Variants in CAMTA1 observed in about 807,000 individuals in gnomAD.
The protein encoded by CAMTA1 is calmodulin binding transcription activator 1.
In CAMTA1, 27 loss-of-function variants were observed where a neutral mutation model predicts 170.9. The observed-to-expected ratio is 0.16, with a 90% confidence interval of 0.12 to 0.22. The LOEUF is 0.22. CAMTA1 is among the 10% of genes least tolerant of loss of function. The pLI is 1.00. For missense variants in CAMTA1, 1,619 were observed against 2,217.2 expected (o/e 0.73, Z 5.42); for synonymous variants, 833 against 891.5 (o/e 0.93, Z 1.17).
chr1:7,283,835 G>A (rs989900361), intron 5 of CAMTA1, among the ~76,000 whole-genome samples: 22 of 152,090 alleles, frequency 1.4e-4, no homozygotes, highest in African/African-American at 5.3e-4. Flanking sequence ...CTTTCTACAT[G>A]GACTGCTTGC....
At chr1:7,149,400 C>T (rs1293257908) in intron 4 of CAMTA1, among the ~76,000 whole-genome samples, 1 of 152,210 alleles carries the variant, frequency 6.6e-6, no homozygotes, top group East Asian at 1.9e-4. Flanking sequence ...CATTTTCTGC[C>T]CCTCTGCTGC....
chr1:7,185,808 A>G (rs1487629484), intron 4 of CAMTA1, among the ~76,000 whole-genome samples: 11 of 152,210 alleles, frequency 7.2e-5, no homozygotes, highest in African/African-American at 2.7e-4. Flanking sequence ...ATGTCTACAA[A>G]ATAATTGGCC....
chr1:7,331,850 G>A (rs547998405), intron 5 of CAMTA1, among the ~76,000 whole-genome samples: 5 of 152,240 alleles, frequency 3.3e-5, no homozygotes, highest in East Asian at 1.9e-4. Flanking sequence ...CATGTCCCTC[G>A]TCCTTCTTAT....
intron 11 of CAMTA1, among the ~76,000 whole-genome samples, chr1:7,728,817 C>G (rs529861399): frequency 6.6e-6 from 1 of 152,322 alleles, no homozygotes; most frequent in Middle Eastern, 3.4e-3. Context: ...GGCATGGCAT[C>G]TGGAGTAAAG....
At position 7,561,565 on chromosome 1, in the gene CAMTA1, G is replaced by C. The variant is rs1306256886; in HGVS notation, c.511-78835G>C. 6.6e-6 allele frequency among the ~76,000 whole-genome samples: 1 copy of C among 151,936 alleles called. No individual in the cohort carries two copies. Among genetic ancestry groups the C allele is most frequent in the Non-Finnish European group, 1.5e-5 (1 of 67,978 alleles). The stretch of plus-strand genomic sequence containing the variant: ...TAAACTCGTTGCAGGCGCAGGGATG[G>C]GCTGGTTCAGGGAGGAGGGGAGACT... On this transcript the variant is annotated intron_variant, in intron 6 of 22. Coordinates refer to ENST00000303635, the MANE Select transcript of CAMTA1 (RefSeq NM_015215.4). The surrounding 1 kb of genome is among the most constrained non-coding windows in gnomAD (Gnocchi z 5.3).
At chr1:7,429,479 G>C (rs940615368) in intron 5 of CAMTA1, among the ~76,000 whole-genome samples, 2 of 151,598 alleles carry the variant, frequency 1.3e-5, no homozygotes, top group Non-Finnish European at 2.9e-5. Context: ...GTGATAATAC[G>C]GGTGATGATG....
At chr1:7,394,383 T>C (rs2089058160) in intron 5 of CAMTA1, among the ~76,000 whole-genome samples, 1 of 152,246 alleles carries the variant, frequency 6.6e-6, no homozygotes, top group Non-Finnish European at 1.5e-5. Flanking sequence ...TTAGCCATTC[T>C]AATTGGGGTA....
rs1679084099 is a variant in CAMTA1 at position 7,325,037 on chromosome 1, C to A, written c.438+75411C>A. ...TTATATCTTGATTTTCTATACCCCT[C>A]CAAAATAGACATCATTATCATTATC... is the stretch of plus-strand genomic sequence containing the variant. On this transcript the variant is annotated intron_variant, in intron 5 of 22. Transcript: ENST00000303635. This position sits in a 1 kb window ranked among gnomAD's most constrained non-coding sequence, Gnocchi z 5.0. Among the ~76,000 whole-genome samples the A allele has an allele frequency of 6.6e-6, 1 of 152,122 alleles. No individual in the cohort carries two copies. The highest frequency in any genetic ancestry group is 2.1e-4 in the South Asian group (1 of 4,826).
chr1:6,869,300 C>G (rs1667706715), intron 3 of CAMTA1, among the ~76,000 whole-genome samples: 2 of 152,202 alleles, frequency 1.3e-5, no homozygotes, highest in Non-Finnish European at 2.9e-5. Flanking sequence ...AAAGTTAAGA[C>G]TTAGGCCAGC....
intron 8 of CAMTA1, among the ~76,000 whole-genome samples, chr1:7,662,516 A>G (rs1200540355): frequency 6.6e-6 from 1 of 152,086 alleles, no homozygotes; most frequent in Non-Finnish European, 1.5e-5. Context: ...CTTTCATCAA[A>G]AGTAAAGTGA....
At chr1:7,411,529 CAAAAAAAAAAAAAA>C (rs869078814) in intron 5 of CAMTA1, among the ~76,000 whole-genome samples, 2 of 67,204 alleles carry the variant, frequency 3.0e-5, no homozygotes, top group Non-Finnish European at 5.2e-5. Flanking sequence ...GACTCTGCCT[CAAAAAAAAAAAAAA>C]AAAAAAAAAA....
intron 3 of CAMTA1, among the ~76,000 whole-genome samples, chr1:6,987,622 C>G (rs146906106): frequency 1.3e-5 from 2 of 152,128 alleles, no homozygotes; most frequent in Non-Finnish European, 2.9e-5. Context: ...AAGTTCTGAC[C>G]GGAACAAACA....
In CAMTA1 at chr1:7,738,141, C is replaced by A; in HGVS notation, c.3841C>A (p.Gln1281Lys). 1.2e-6 allele frequency: 2 copies of A among 1,614,112 alleles called. No individual in the cohort carries two copies. The highest frequency in any genetic ancestry group is 1.7e-6 in the Non-Finnish European group (2 of 1,180,002). The change falls in exon 16 of 23, where the codon CAG (glutamine) becomes AAG (lysine). Residue 1281 changes from glutamine to lysine, a missense_variant. Physicochemically the swap from Gln to Lys is moderately conservative, Grantham distance 53 (BLOSUM62 1). Transcript: ENST00000303635. The surrounding 1 kb of genome is among the most constrained non-coding windows in gnomAD (Gnocchi z 4.9). ...NIRKQSPSSK[Q>K]SVPETLSPSE... ...CAGGAAGCAAAGCCCTAGTTCTAAG[C>A]AGTCTGTCCCCGAGACACTCAGCCC...
At chr1:7,229,230 C>T (rs17030607) in intron 4 of CAMTA1, among the ~76,000 whole-genome samples, 8,993 of 151,346 alleles carry the variant, frequency 0.059, 835 homozygotes, top group African/African-American at 0.2. Flanking sequence ...GCCTTCTGCA[C>T]GGCTTTGCCC....
intron 5 of CAMTA1, among the ~76,000 whole-genome samples, chr1:7,466,656 TG>T (rs1448309267): frequency 6.6e-6 from 1 of 152,180 alleles, no homozygotes; most frequent in Non-Finnish European, 1.5e-5. Flanking sequence ...TTTTCCCACC[TG>T]GCAGATGTCC....
intron 3 of CAMTA1, among the ~76,000 whole-genome samples, chr1:6,914,296 G>T (rs137950726): frequency 7.9e-5 from 12 of 152,142 alleles, no homozygotes; most frequent in African/African-American, 2.6e-4. Context: ...TAGAGATGGG[G>T]TTTCACCATG....
rs552902939 is a variant in CAMTA1 at position 7,237,969 on chromosome 1, A to T, written c.303-11522A>T. Among the ~76,000 whole-genome samples, 266 of 152,360 alleles carry T rather than the reference A, an allele frequency of 1.7e-3. 1 individual carries two copies. The highest frequency in any genetic ancestry group is 8.5e-3 in the South Asian group (41 of 4,828). ...AGAGAGACCAAGTAATTTGTTCAAG[A>T]TCACACAGCTCTTAAGGAGCTGAGC... On this transcript the variant is annotated intron_variant, in intron 4 of 22. Coordinates refer to ENST00000303635, the MANE Select transcript of CAMTA1 (RefSeq NM_015215.4).
chr1:6,809,732 G>A (rs1644950839), intron 1 of CAMTA1, among the ~76,000 whole-genome samples: 1 of 152,108 alleles, frequency 6.6e-6, no homozygotes, highest in Non-Finnish European at 1.5e-5. Flanking sequence ...AGAGGGGAGA[G>A]AACCAGTAGA....
At position 7,664,183 on chromosome 1, in the gene CAMTA1, G is replaced by C; in HGVS notation, c.1636G>C (p.Glu546Gln). The C allele has an allele frequency of 6.2e-7, 1 of 1,612,844 alleles. No homozygotes were observed. Among genetic ancestry groups the C allele is most frequent in the South Asian group, 1.1e-5 (1 of 91,088 alleles). ...DTSFEQQMAK[E>Q]AYSSSAAAVA... ...CTCCTTCGAGCAGCAGATGGCCAAA[G>C]AAGCGTACTCCTCCTCCGCGGCGGC... The change falls in exon 9 of 23, where the codon GAA becomes CAA. Residue 546 changes from glutamate (E) to glutamine (Q), a missense_variant. Glu to Gln is a conservative substitution (Grantham distance 29, BLOSUM62 2). This residue lies in a region of CAMTA1 where 731 missense variants were observed against 907.6 expected (regional missense o/e 0.81). Transcript: ENST00000303635.
Sources: gnomAD v4.1 joint callset for allele counts (sites outside exome capture counted in the v4.1 genomes callset) on GRCh38, gnomAD v4.1.1 for gene constraint, gnomAD v4.1.1 regional missense constraint, Gnocchi (gnomAD v3.1) non-coding constraint, MANE v1.5 for transcripts, NCBI Gene and HGNC (gene_info 2026-07-23, HGNC 2026-07-21) for gene names.